The following TEP1 variants were observed in gnomAD, a reference collection of about 807,000 sequenced individuals.
The protein encoded by TEP1 is telomerase associated protein 1.
TEP1 carries 241 observed loss-of-function variants against 306.3 expected under a neutral mutation model. That is an observed-to-expected ratio of 0.79 (90% confidence interval 0.71 to 0.88). The LOEUF (loss-of-function observed/expected upper bound fraction) is 0.88. Ranked by LOEUF, TEP1 falls within the 40% of genes least tolerant of loss-of-function variation. The pLI, the probability that TEP1 is intolerant of heterozygous loss-of-function variation, is 0.00. For missense variants in TEP1, 3,051 were observed against 3,276.1 expected, an observed-to-expected ratio of 0.93 and a Z score of 1.68; for synonymous variants, 1,289 against 1,305.5, an observed-to-expected ratio of 0.99 and a Z score of 0.27.
chr14:20,383,423 C>G lies in TEP1; in HGVS notation c.3867+65G>C, dbSNP rs1050873180. On this transcript the variant is annotated intron_variant, in intron 26 of 54. Transcript: ENST00000262715. Reference sequence around the variant, plus strand: ...GAACCACATTGGAGAGGCCTCTCTCCTCCGTGCCGTATCCCTCCTTCTCCC... The same window carrying G: ...GAACCACATTGGAGAGGCCTCTCTCGTCCGTGCCGTATCCCTCCTTCTCCC... The G allele has an allele frequency of 5.5e-5, 88 of 1,610,328 alleles. No individual in the cohort carries two copies. In the South Asian group the frequency reaches 9.4e-4, roughly 17 times the overall value.
chr14:20,389,738 C>T lies in TEP1; in HGVS notation c.2337G>A (p.Val779=). The change falls in exon 16 of 55, where the codon GTG becomes GTA. Residue 779 remains valine (V), a splice_region_variant and synonymous_variant. Coordinates refer to ENST00000262715, the MANE Select transcript of TEP1 (RefSeq NM_007110.5). ...LLSLAGQRVP[V]DRVILLGQSM... ...TTTGGCCAAGGAGGATGACCCTGTCCACCTGTAAGATGAAAAGGGAGAAGA... is the reference window on the plus strand; with the variant it reads ...TTTGGCCAAGGAGGATGACCCTGTCTACCTGTAAGATGAAAAGGGAGAAGA... 1.2e-6 allele frequency: 2 copies of T among 1,614,008 alleles called. No individual in the cohort carries two copies. Among genetic ancestry groups the T allele is most frequent in the Non-Finnish European group, 8.5e-7 (1 of 1,179,934 alleles).
At chr14:20,377,939 G>T in intron 39 of TEP1, 85 bp downstream of exon 39, 1 of 1,544,948 alleles carries the variant, frequency 6.5e-7, no homozygotes, top group Non-Finnish European at 8.8e-7. Flanking sequence ...CAGTCTCCTC[G>T]ACAAAGGACC....
At chr14:20,379,207 C>A in intron 35 of TEP1, 102 bp from the exon 36 acceptor site, 1 of 1,466,324 alleles carries the variant, frequency 6.8e-7, no homozygotes, top group Non-Finnish European at 9.2e-7. Flanking sequence ...GCACAAAGGC[C>A]ATGAGTCCTT....
At chr14:20,375,287 G>C (rs1053242660) in intron 43 of TEP1, among the ~76,000 whole-genome samples, 2 of 152,078 alleles carry the variant, frequency 1.3e-5, no homozygotes, top group African/African-American at 4.8e-5. Context: ...CTTCTGAGTA[G>C]CTGGGATTAC....
At chr14:20,382,120 C>T in intron 29 of TEP1, 57 bp from the exon 30 acceptor site, 2 of 1,610,760 alleles carry the variant, frequency 1.2e-6, no homozygotes, top group Non-Finnish European at 1.7e-6. Flanking sequence ...CCCGCCCCCA[C>T]CACACCCAGT....
chr14:20,391,077 A>C lies in TEP1; in HGVS notation c.2117T>G (p.Leu706Arg). Residue 706 changes from leucine to arginine, a missense_variant, in exon 14 of 55, where the codon CTG becomes CGG. By Grantham distance (102) the Leu-to-Arg change is moderately radical. This residue lies in a region of TEP1 where 1,507 missense variants were observed against 1,550.5 expected (regional missense o/e 0.97). Transcript: ENST00000262715. ...NPQGPPLNYA[L>R]LLIGMMITRA... is the part of the protein sequence containing the mutation. ...CGTGATCATCATCCCAATCAACAGC[A>C]GTGCATAGTTCAGCGGGGGCTGATT... 1 of 1,614,206 alleles carries C rather than the reference A, an allele frequency of 6.2e-7. No homozygotes were observed. The highest frequency in any genetic ancestry group is 1.1e-5 in the South Asian group (1 of 91,088).
intron 44 of TEP1, among the ~76,000 whole-genome samples, chr14:20,374,132 G>A (rs567548730): frequency 4.3e-4 from 65 of 150,616 alleles, no homozygotes; most frequent in African/African-American, 1.4e-3. Flanking sequence ...CTGTTACACT[G>A]GAGGCTGGAG....
Position 20,369,877 on chromosome 14 carries a change from T to TC in TEP1, c.7318-99_7318-98insG, listed in dbSNP as rs1402559073. ...CTGCTCTGGGCTGGTCAGGAATTTT[T>TC]TTTTTTTTTAACTACAACTTAGATA... On this transcript the variant is annotated intron_variant, in intron 51 of 54. Coordinates refer to ENST00000262715, the MANE Select transcript of TEP1 (RefSeq NM_007110.5). 4.8e-5 allele frequency: 45 copies of TC among 933,990 alleles called. No homozygotes were observed. The Middle Eastern group carries it at 1.4e-3, about 28-fold the overall frequency. 57.9% of individuals were successfully genotyped at this position (933,990 alleles called of 1,614,324 possible). A position where few individuals can be genotyped will look rare whatever the true frequency, so the allele number is the denominator to read the frequency against.
In TEP1 at chr14:20,371,513, G is replaced by A; in HGVS notation, c.7196C>T (p.Pro2399Leu). ...KADLKLLCMK[P>L]GDAPSEIWSS... ...CCAGATTTCAGATGGAGCATCCCCT[G>A]GCTTCATGCAAAGTAACTTCAAATC... is the stretch of plus-strand genomic sequence containing the variant. Residue 2399 changes from proline (P) to leucine (L), a missense_variant, in exon 50 of 55, where the codon CCA becomes CTA. Physicochemically the swap from Pro to Leu is moderately conservative, Grantham distance 98. Around this residue, in one of 3 missense-constraint regions of TEP1, gnomAD observed 1,540 missense variants for 1,705.9 expected, o/e 0.90. Coordinates refer to ENST00000262715, the MANE Select transcript of TEP1 (RefSeq NM_007110.5). The A allele has an allele frequency of 6.2e-7, 1 of 1,608,796 alleles. No homozygotes were observed. Among genetic ancestry groups the A allele is most frequent in the Non-Finnish European group, 8.5e-7 (1 of 1,178,970 alleles).
At chr14:20,390,786 G>A (rs1176483877) in intron 14 of TEP1, 28 bp from the exon 15 acceptor site, 1 of 1,613,614 alleles carries the variant, frequency 6.2e-7, no homozygotes, top group Admixed American at 1.7e-5. Context: ...CATGTTATGT[G>A]GTTGCACAGT....
At chr14:20,377,176 C>A (rs1353985701) in intron 41 of TEP1, 104 bp downstream of exon 41, 16 of 973,294 alleles carry the variant, frequency 1.6e-5, no homozygotes, top group Non-Finnish European at 2.4e-5. Context: ...GACCGTACCA[C>A]TGCACTCTAG....
At position 20,408,144 on chromosome 14, in the gene TEP1, G is replaced by T; in HGVS notation, c.296C>A (p.Ser99Tyr). ...CAAGGAGAGGATGTCTGGGTGGGCA[G>T]AAACATGTCCATGTGGTTTCTCCAT... ...KTMEKPHGHV[S>Y]AHPDILSLEN... The change falls in exon 2 of 55, where the codon TCT becomes TAT. Residue 99 changes from serine (S) to tyrosine (Y), a missense_variant. Physicochemically the swap from Ser to Tyr is moderately radical, Grantham distance 144. Around this residue, in one of 3 missense-constraint regions of TEP1, gnomAD observed 1,507 missense variants for 1,550.5 expected, o/e 0.97. Transcript: ENST00000262715. 6.2e-7 allele frequency: 1 copy of T among 1,610,448 alleles called. No homozygotes were observed. Among genetic ancestry groups the T allele is most frequent in the South Asian group, 1.1e-5 (1 of 90,958 alleles).
chr14:20,386,600 A>G lies in TEP1; in HGVS notation c.2708T>C (p.Ile903Thr), dbSNP rs1052815244. The G allele has an allele frequency of 8.7e-6, 14 of 1,605,826 alleles. No individual in the cohort carries two copies. Among genetic ancestry groups the G allele is most frequent in the African/African-American group, 2.7e-5 (2 of 74,754 alleles). Residue 903 changes from isoleucine (I) to threonine (T), a missense_variant, in exon 19 of 55, where the codon ATT (isoleucine) becomes ACT (threonine). By Grantham distance (89) the Ile-to-Thr change is moderately conservative. Transcript: ENST00000262715. ...QQGWRSIRLF[I>T]SSTFRDMHGE... ...ATGCATGTCTCGGAAAGTGGATGAA[A>G]TGAAAAGCCGGATGCTGCGCCATCT...
chr14:20,386,679 A>T, intron 18 of TEP1, 56 bp from the exon 19 acceptor site: 1 of 1,496,540 alleles, frequency 6.7e-7, no homozygotes, highest in Non-Finnish European at 8.9e-7. Context: ...CCCCCCATCC[A>T]TAGACACTGC....
rs528274680 is a variant in TEP1 at position 20,390,857 on chromosome 14, T to G, written c.2256+81A>C. The G allele has an allele frequency of 1.4e-5, 22 of 1,611,284 alleles. No homozygotes were observed. In the East Asian group the frequency reaches 3.1e-4, roughly 23 times the overall value. ...GAAATCTTCAGAACTGTGTATTGTC[T>G]GTGCCTTTACCAAATATCTGGGCTA... is the stretch of plus-strand genomic sequence containing the variant. On this transcript the variant is annotated intron_variant, in intron 14 of 54. Transcript: ENST00000262715.
At chr14:20,370,857 C>T (rs574457737) in intron 51 of TEP1, among the ~76,000 whole-genome samples, 9 of 152,294 alleles carry the variant, frequency 5.9e-5, no homozygotes, top group Admixed American at 1.3e-4. Flanking sequence ...AAGTGTTGAA[C>T]ATCTATTAAG....
chr14:20,402,485 A>G (rs1451312872), intron 7 of TEP1, among the ~76,000 whole-genome samples: 1 of 152,216 alleles, frequency 6.6e-6, no homozygotes, highest in African/African-American at 2.4e-5. Context: ...TTTAATAACG[A>G]TGATGGTAGT....
rs770458851 is a variant in TEP1 at position 20,378,475 on chromosome 14, A to C, written c.5413T>G (p.Cys1805Gly). Reference sequence around the variant, plus strand: ...TGCCCCTCTGGGTGGAAGGCAACACAGTTCAGGGACTTGGGGTAGGTGTGC... The same window carrying C: ...TGCCCCTCTGGGTGGAAGGCAACACCGTTCAGGGACTTGGGGTAGGTGTGC... ...FQHTYPKSLN[C>G]VAFHPEGQVI... The change falls in exon 38 of 55, where the codon TGT becomes GGT. Residue 1805 changes from cysteine (C) to glycine (G), a missense_variant. By Grantham distance (159) the Cys-to-Gly change is radical (BLOSUM62 -3). Transcript: ENST00000262715. The C allele has an allele frequency of 6.2e-7, 1 of 1,614,200 alleles. No homozygotes were observed.
chr14:20,386,323 T>C (rs2139085115), intron 19 of TEP1, 124 bp downstream of exon 19: 1 of 1,584,630 alleles, frequency 6.3e-7, no homozygotes, highest in Non-Finnish European at 8.6e-7. Flanking sequence ...CTCTTGTTAG[T>C]ATCCAAGGAG....
Sources: allele counts gnomAD v4.1 joint callset (sites outside exome capture counted in the v4.1 genomes callset), GRCh38; gene constraint gnomAD v4.1.1; regional missense constraint gnomAD v4.1.1; transcripts MANE v1.5; gene names NCBI Gene and HGNC (gene_info 2026-07-23, HGNC 2026-07-21).